Variants in SRBD1 observed in about 807,000 individuals in gnomAD.
SRBD1 encodes S1 RNA-binding domain-containing protein 1.
Under a neutral mutation model 115.3 loss-of-function variants are expected in SRBD1, and 88 were observed. That is an observed-to-expected ratio of 0.76 (90% CI 0.64 to 0.91). The LOEUF (loss-of-function observed/expected upper bound fraction) is 0.91. SRBD1 is among the 40% of genes least tolerant of loss of function. SRBD1 has a pLI of 0.00. For missense variants in SRBD1, 1,385 were observed against 1,177.4 expected (o/e 1.18, Z -2.58); for synonymous variants, 509 against 407.7 (o/e 1.25, Z -2.99).
chr2:45,416,926 G>A (rs1397817041), intron 18 of SRBD1, among the ~76,000 whole-genome samples: 1 of 152,062 alleles, frequency 6.6e-6, no homozygotes, highest in African/African-American at 2.4e-5. Flanking sequence ...TTACAGGTGA[G>A]CACCACCATG....
chr2:45,427,509 A>G (rs1330701118), intron 16 of SRBD1, among the ~76,000 whole-genome samples: 1 of 152,224 alleles, frequency 6.6e-6, no homozygotes, highest in Non-Finnish European at 1.5e-5. Context: ...TAAACCAACA[A>G]AGATAAAAAA....
intron 9 of SRBD1, among the ~76,000 whole-genome samples, chr2:45,570,715 T>C (rs781639698): frequency 6.6e-5 from 10 of 152,206 alleles, no homozygotes; most frequent in Non-Finnish European, 1.2e-4. Context: ...AGCAGTGGCC[T>C]CTGAAGATGA....
At position 45,529,339 on chromosome 2, in the gene SRBD1, A is replaced by C. The variant is rs368967674; in HGVS notation, c.1874+17393T>G. 1.4e-4 allele frequency among the ~76,000 whole-genome samples: 21 copies of C among 152,064 alleles called. 1 individual carries two copies. In the South Asian group the frequency reaches 3.9e-3, roughly 29 times the overall value. On this transcript the variant is annotated intron_variant, in intron 14 of 20. Transcript: ENST00000263736. The stretch of plus-strand genomic sequence containing the variant: ...AAGATGGGGAAAAAGCAGTAAAAAA[A>C]TGAAGAGTAGAAACAAATCAAACCT...
chr2:45,548,331 C>A (rs1219569281), intron 12 of SRBD1, among the ~76,000 whole-genome samples: 2 of 151,296 alleles, frequency 1.3e-5, no homozygotes, highest in Non-Finnish European at 3.0e-5. Flanking sequence ...TTTAGCAATA[C>A]CAATCAAGTA....
chr2:45,551,393 CA>C, intron 11 of SRBD1, 111 bp from the exon 12 acceptor site: 1 of 1,102,898 alleles, frequency 9.1e-7, no homozygotes, highest in Non-Finnish European at 1.3e-6. Context: ...TTTATTATAA[CA>C]ATATAACTTA....
chr2:45,430,031 T>A (rs962549251), intron 16 of SRBD1, among the ~76,000 whole-genome samples: 41 of 152,100 alleles, frequency 2.7e-4, no homozygotes, highest in African/African-American at 9.7e-4. Context: ...TGAACTCCCA[T>A]TCACAATTGC....
chr2:45,538,906 A>G lies in SRBD1; in HGVS notation c.1874+7826T>C, dbSNP rs141672860. Among the ~76,000 whole-genome samples, 30 of 152,274 alleles carry G rather than the reference A, an allele frequency of 2.0e-4. No homozygotes were observed. The East Asian group carries it at 5.6e-3, about 28-fold the overall frequency. On this transcript the variant is annotated intron_variant, in intron 14 of 20. Coordinates refer to ENST00000263736, the MANE Select transcript of SRBD1 (RefSeq NM_018079.5). ...ACTTCTCAAGATCTCCCTCTTAAGC[A>G]TCCTTTAAAAAAAAAGAATATTAAA...
intron 1 of SRBD1, among the ~76,000 whole-genome samples, chr2:45,609,180 T>C (rs1398407294): frequency 6.6e-6 from 1 of 152,230 alleles, no homozygotes; most frequent in Non-Finnish European, 1.5e-5. Flanking sequence ...GTGTGCAAAT[T>C]TGATGTTTTG....
intron 19 of SRBD1, among the ~76,000 whole-genome samples, chr2:45,405,327 T>C (rs1396834656): frequency 1.3e-5 from 2 of 152,168 alleles, no homozygotes; most frequent in Admixed American, 6.6e-5. Flanking sequence ...GCCTTTTTTG[T>C]TTGTCTTGTT....
At chr2:45,594,129 T>A (rs1187573183) in intron 4 of SRBD1, among the ~76,000 whole-genome samples, 1 of 152,210 alleles carries the variant, frequency 6.6e-6, no homozygotes, top group African/African-American at 2.4e-5. Flanking sequence ...TTAAACCTAA[T>A]AAGTGGTTCC....
chr2:45,512,043 G>GA (rs1174718222), intron 14 of SRBD1, among the ~76,000 whole-genome samples: 1 of 152,172 alleles, frequency 6.6e-6, no homozygotes, highest in African/African-American at 2.4e-5. Flanking sequence ...CAAAGAGGCT[G>GA]AAATACACTG....
At chr2:45,498,509 T>A (rs534392627) in intron 14 of SRBD1, among the ~76,000 whole-genome samples, 1 of 152,304 alleles carries the variant, frequency 6.6e-6, no homozygotes, top group African/African-American at 2.4e-5. Context: ...ATAAGTGGGA[T>A]ATCTGTCACC....
Position 45,599,486 on chromosome 2 carries a change from G to A in SRBD1, c.611C>T (p.Thr204Ile), listed in dbSNP as rs143533550. The change falls in exon 4 of 21, where the codon ACT becomes ATT. Residue 204 changes from threonine to isoleucine, a missense_variant. Transcript: ENST00000263736. ...CCAATTCATTTCCACCTCCTCTTTA[G>A]TACTATTGGCATTTGCTGGAAACTT... ...PVKFPANANS[T>I]KEEVEMNWDM... 1 of 1,614,118 alleles carries A rather than the reference G, an allele frequency of 6.2e-7. No homozygotes were observed. The highest frequency in any genetic ancestry group is 1.7e-5 in the Admixed American group (1 of 60,020).
intron 4 of SRBD1, among the ~76,000 whole-genome samples, chr2:45,597,713 C>A (rs955622503): frequency 1.3e-5 from 2 of 152,130 alleles, no homozygotes; most frequent in African/African-American, 4.8e-5. Context: ...CCCTTTTGTT[C>A]TTTGAAAGGT....
intron 16 of SRBD1, among the ~76,000 whole-genome samples, chr2:45,454,004 G>C (rs1383016427): frequency 6.6e-6 from 1 of 151,896 alleles, no homozygotes. Flanking sequence ...TATATACACA[G>C]TCTTTCGAAG....
intron 16 of SRBD1, among the ~76,000 whole-genome samples, chr2:45,460,608 G>A (rs1170934523): frequency 6.6e-6 from 1 of 152,150 alleles, no homozygotes; most frequent in Non-Finnish European, 1.5e-5. Flanking sequence ...GCATTTAGAA[G>A]AGAGAAAGGA....
At chr2:45,531,995 C>A (rs1466646012) in intron 14 of SRBD1, among the ~76,000 whole-genome samples, 1 of 151,726 alleles carries the variant, frequency 6.6e-6, no homozygotes, top group Admixed American at 6.6e-5. Context: ...TTCTGATAAC[C>A]AAGATGAGTG....
At chr2:45,543,029 CAT>C (rs1671996621) in intron 14 of SRBD1, among the ~76,000 whole-genome samples, 2 of 152,110 alleles carry the variant, frequency 1.3e-5, no homozygotes, top group Non-Finnish European at 2.9e-5. Flanking sequence ...GAGTGCCTAC[CAT>C]ATGTCAAAAG....
At chr2:45,415,394 G>C (rs1345751221) in intron 18 of SRBD1, among the ~76,000 whole-genome samples, 2 of 82,514 alleles carry the variant, frequency 2.4e-5, no homozygotes, top group African/African-American at 1.3e-4. Context: ...TGTGTATATA[G>C]TATGTATATA....
Sources: gnomAD v4.1 joint callset for allele counts (sites outside exome capture counted in the v4.1 genomes callset) on GRCh38, gnomAD v4.1.1 for gene constraint, MANE v1.5 for transcripts, NCBI Gene and HGNC (gene_info 2026-07-23, HGNC 2026-07-21) for gene names.